Variants in ARHGAP15 observed in about 807,000 individuals in gnomAD.
ARHGAP15 encodes Rho GTPase activating protein 15.
Under a neutral mutation model 63.7 loss-of-function variants are expected in ARHGAP15, and 51 were observed. The ratio of observed to expected loss-of-function variants is 0.80; its 90% CI spans 0.64 to 1.01. The LOEUF is 1.01. Ranked by LOEUF, ARHGAP15 falls within the 50% of genes least tolerant of loss-of-function variation. The pLI is 0.00. For missense variants in ARHGAP15, 560 were observed against 564.6 expected, an observed-to-expected ratio of 0.99 and a Z score of 0.08; for synonymous variants, 191 against 193.8, an observed-to-expected ratio of 0.99 and a Z score of 0.12.
chr2:143,386,738 T>C (rs765065428), intron 6 of ARHGAP15, among the ~76,000 whole-genome samples: 2 of 152,170 alleles, frequency 1.3e-5, no homozygotes, highest in Non-Finnish European at 2.9e-5. Flanking sequence ...AGTACAAGCA[T>C]GCACAACAAC....
At chr2:143,739,299 TA>T (rs1209157558) in intron 13 of ARHGAP15, among the ~76,000 whole-genome samples, 1 of 152,104 alleles carries the variant, frequency 6.6e-6, no homozygotes, top group Non-Finnish European at 1.5e-5. Flanking sequence ...GGTTCAAAGC[TA>T]GATTCTGGTC....
chr2:143,242,262 C>G (rs1693892859), intron 5 of ARHGAP15, among the ~76,000 whole-genome samples: 1 of 152,194 alleles, frequency 6.6e-6, no homozygotes, highest in African/African-American at 2.4e-5. Context: ...GCTGGTCATT[C>G]TCAAGAGGTG....
chr2:143,635,420 C>A (rs888918961), intron 12 of ARHGAP15, among the ~76,000 whole-genome samples: 7 of 151,978 alleles, frequency 4.6e-5, no homozygotes, highest in African/African-American at 1.7e-4. Flanking sequence ...TGTTTGCCTA[C>A]ATTCAGTCAG....
intron 11 of ARHGAP15, among the ~76,000 whole-genome samples, chr2:143,613,300 T>C (rs1248926408): frequency 6.6e-6 from 1 of 152,238 alleles, no homozygotes; most frequent in Non-Finnish European, 1.5e-5. Context: ...ACTCTATAAT[T>C]AAAATGACTT....
intron 12 of ARHGAP15, among the ~76,000 whole-genome samples, chr2:143,634,094 G>A (rs1266928086): frequency 6.6e-6 from 1 of 151,984 alleles, no homozygotes; most frequent in Non-Finnish European, 1.5e-5. Flanking sequence ...TTTATGATCT[G>A]GTCACCCACA....
intron 12 of ARHGAP15, among the ~76,000 whole-genome samples, chr2:143,688,311 T>A (rs1051019565): frequency 1.3e-5 from 2 of 152,324 alleles, no homozygotes; most frequent in South Asian, 2.1e-4. Flanking sequence ...TTGAAAGGAA[T>A]AAAAAACTTG....
chr2:143,191,079 T>C (rs548706262), intron 2 of ARHGAP15, among the ~76,000 whole-genome samples: 40 of 152,326 alleles, frequency 2.6e-4, no homozygotes, highest in Non-Finnish European at 4.9e-4. Context: ...CACCTATCTA[T>C]ATTATTATTT....
chr2:143,504,440 G>T (rs1463454982), intron 9 of ARHGAP15, among the ~76,000 whole-genome samples: 1 of 152,092 alleles, frequency 6.6e-6, no homozygotes, highest in African/African-American at 2.4e-5. Flanking sequence ...CCAAAACTTG[G>T]CTCCACTAGA....
chr2:143,644,266 G>T (rs146044330), intron 12 of ARHGAP15, among the ~76,000 whole-genome samples: 54 of 152,096 alleles, frequency 3.6e-4, no homozygotes, highest in African/African-American at 1.2e-3. Context: ...ACTCAGCAAG[G>T]CCTGTTTGCT....
chr2:143,619,322 AAG>A (rs1698569231), intron 11 of ARHGAP15, among the ~76,000 whole-genome samples: 1 of 152,180 alleles, frequency 6.6e-6, no homozygotes, highest in African/African-American at 2.4e-5. Context: ...CTCTTCAAGA[AAG>A]AGCATTTCAG....
chr2:143,602,946 G>A (rs1229221950), intron 11 of ARHGAP15, among the ~76,000 whole-genome samples: 1 of 152,078 alleles, frequency 6.6e-6, no homozygotes, highest in Non-Finnish European at 1.5e-5. Context: ...TTTTAAGCCT[G>A]ACCAAATAGG....
intron 6 of ARHGAP15, among the ~76,000 whole-genome samples, chr2:143,415,871 C>T (rs117235867): frequency 6.6e-6 from 1 of 152,134 alleles, no homozygotes; most frequent in East Asian, 1.9e-4. Context: ...AAGTAACTCC[C>T]GAATGGAAAA....
At chr2:143,508,300 G>C (rs1489932255) in intron 9 of ARHGAP15, among the ~76,000 whole-genome samples, 1 of 152,144 alleles carries the variant, frequency 6.6e-6, no homozygotes, top group East Asian at 1.9e-4. Flanking sequence ...ACTTCATTTG[G>C]TGTCTGCTCA....
At chr2:143,488,745 G>A (rs1317363007) in intron 9 of ARHGAP15, among the ~76,000 whole-genome samples, 5 of 152,162 alleles carry the variant, frequency 3.3e-5, no homozygotes, top group Admixed American at 1.3e-4. Context: ...TTTGAAACAG[G>A]TGAACAGATC....
chr2:143,130,196 C>T (rs1386579761), intron 1 of ARHGAP15, among the ~76,000 whole-genome samples: 1 of 152,038 alleles, frequency 6.6e-6, no homozygotes, highest in Non-Finnish European at 1.5e-5. Context: ...ATATAATTTT[C>T]CTTCTTTGAA....
chr2:143,290,595 G>A (rs369673272), intron 6 of ARHGAP15, among the ~76,000 whole-genome samples: 6 of 151,898 alleles, frequency 4.0e-5, no homozygotes, highest in Non-Finnish European at 7.4e-5. Context: ...TACACATGAC[G>A]TGGCATTATG....
At chr2:143,156,268 C>T (rs532124856) in intron 2 of ARHGAP15, among the ~76,000 whole-genome samples, 36 of 151,942 alleles carry the variant, frequency 2.4e-4, no homozygotes, top group African/African-American at 4.1e-4. Context: ...TGGCCCTGCA[C>T]GCATCCTGAG....
intron 8 of ARHGAP15, among the ~76,000 whole-genome samples, chr2:143,474,322 AT>A (rs1271015485): frequency 1.3e-5 from 2 of 152,182 alleles, no homozygotes; most frequent in Non-Finnish European, 2.9e-5. Context: ...CCCTTGAGGC[AT>A]GTATTTTTCA....
intron 13 of ARHGAP15, among the ~76,000 whole-genome samples, chr2:143,726,692 C>T (rs1685294855): frequency 6.6e-6 from 1 of 152,204 alleles, no homozygotes. Flanking sequence ...CTGGACGGCA[C>T]ATGTTCAAGT....
Sources: allele counts gnomAD v4.1 joint callset (sites outside exome capture counted in the v4.1 genomes callset), GRCh38; gene constraint gnomAD v4.1.1; transcripts MANE v1.5; gene names NCBI Gene and HGNC (gene_info 2026-07-23, HGNC 2026-07-21).